Variants in PRRX1 observed in about 807,000 individuals in gnomAD.
PRRX1 encodes the protein paired mesoderm homeobox protein 1.
In PRRX1, 8 loss-of-function variants were observed where a neutral mutation model predicts 24.0. The ratio of observed to expected loss-of-function variants is 0.33; its 90% CI spans 0.20 to 0.60. The LOEUF (loss-of-function observed/expected upper bound fraction) is 0.60. Ranked by LOEUF, PRRX1 falls within the 20% of genes least tolerant of loss-of-function variation. The pLI is 0.82. For missense variants in PRRX1, 281 were observed against 322.4 expected (o/e 0.87, Z 0.98); for synonymous variants, 160 against 131.7 (o/e 1.22, Z -1.47).
chr1:170,664,188 AG>A lies in PRRX1; in HGVS notation c.-25del. On this transcript the variant is annotated 5_prime_UTR_variant, in exon 1 of 4. Transcript: ENST00000239461. ...GTTTGGTGTTGATTCGAGCGGGAAG[AG>A]GGGGGTGGGTGGGATCGGTGGGGGA... The A allele has an allele frequency of 2.0e-6, 3 of 1,521,486 alleles. No individual in the cohort carries two copies. Among genetic ancestry groups the A allele is most frequent in the South Asian group, 1.2e-5 (1 of 85,842 alleles). 94.2% of individuals were successfully genotyped at this position (1,521,486 alleles called of 1,614,324 possible). A position where few individuals can be genotyped will look rare whatever the true frequency, so the allele number is the denominator to read the frequency against.
At chr1:170,708,006 G>T (rs1209512139) in intron 1 of PRRX1, among the ~76,000 whole-genome samples, 2 of 152,136 alleles carry the variant, frequency 1.3e-5, no homozygotes, top group African/African-American at 2.4e-5. Flanking sequence ...CCTTAACCTT[G>T]ATTATCTTCC....
At chr1:170,695,052 A>G (rs1654121353) in intron 1 of PRRX1, among the ~76,000 whole-genome samples, 1 of 152,144 alleles carries the variant, frequency 6.6e-6, no homozygotes, top group South Asian at 2.1e-4. Flanking sequence ...GCACTGGAAG[A>G]GTCTATCTCC....
chr1:170,696,034 G>T lies in PRRX1; in HGVS notation c.242-23692G>T, dbSNP rs1654155412. 3.9e-5 allele frequency among the ~76,000 whole-genome samples: 6 copies of T among 152,084 alleles called. No homozygotes were observed. In the South Asian group the frequency reaches 1.2e-3, roughly 31 times the overall value. On this transcript the variant is annotated intron_variant, in intron 1 of 3. Coordinates refer to ENST00000239461, the MANE Select transcript of PRRX1 (RefSeq NM_022716.4). ...GGCCTTTTAGTTTTCTCTATCTTTA[G>T]CAGTAGACATGTCCAAAGACCAGTA...
chr1:170,670,148 C>A (rs1653099733), intron 1 of PRRX1, among the ~76,000 whole-genome samples: 1 of 152,092 alleles, frequency 6.6e-6, no homozygotes, highest in Admixed American at 6.5e-5. Flanking sequence ...GAGTGTACAC[C>A]GTTGTAATCT....
intron 2 of PRRX1, among the ~76,000 whole-genome samples, chr1:170,723,614 G>C (rs977321603): frequency 2.0e-5 from 3 of 152,180 alleles, no homozygotes; most frequent in African/African-American, 7.2e-5. Flanking sequence ...CAGAAACTCA[G>C]CCATTTATTA....
rs186566516 is a variant in PRRX1 at position 170,696,154 on chromosome 1, C to A, written c.242-23572C>A. Among the ~76,000 whole-genome samples, 3 of 152,200 alleles carry A rather than the reference C, an allele frequency of 2.0e-5. No homozygotes were observed. In the East Asian group the frequency reaches 5.8e-4, roughly 29 times the overall value. On this transcript the variant is annotated intron_variant, in intron 1 of 3. Transcript: ENST00000239461. Reference sequence around the variant, plus strand: ...TAGGCAGGAGCAAAGGAGAGAGTGACACATGAAAAGTATCCGGGCCATATG... The same window carrying A: ...TAGGCAGGAGCAAAGGAGAGAGTGAAACATGAAAAGTATCCGGGCCATATG...
chr1:170,673,434 G>T (rs936259433), intron 1 of PRRX1, among the ~76,000 whole-genome samples: 10 of 152,228 alleles, frequency 6.6e-5, no homozygotes, highest in Admixed American at 3.9e-4. Context: ...ATCCTTGGTG[G>T]AACACCTTTC....
At chr1:170,733,404 G>A (rs535042135) in intron 3 of PRRX1, among the ~76,000 whole-genome samples, 24 of 152,236 alleles carry the variant, frequency 1.6e-4, no homozygotes, top group African/African-American at 3.1e-4. Flanking sequence ...ATAAGACTTT[G>A]CTTGTCCAGA....
At chr1:170,699,589 G>T (rs1053139868) in intron 1 of PRRX1, among the ~76,000 whole-genome samples, 2 of 152,092 alleles carry the variant, frequency 1.3e-5, no homozygotes, top group Admixed American at 6.6e-5. Context: ...AGTAAAAGGG[G>T]CCAGAGGATG....
chr1:170,674,444 A>G (rs554214339), intron 1 of PRRX1, among the ~76,000 whole-genome samples: 1 of 152,264 alleles, frequency 6.6e-6, no homozygotes, highest in South Asian at 2.1e-4. Context: ...TTCTGCTCCC[A>G]TCACACCTCC....
intron 1 of PRRX1, among the ~76,000 whole-genome samples, chr1:170,703,676 T>C (rs1654469382): frequency 6.6e-6 from 1 of 151,194 alleles, no homozygotes; most frequent in Non-Finnish European, 1.5e-5. Context: ...GTATTTTACA[T>C]TTTATTTCAG....
At chr1:170,687,602 G>A (rs1178646227) in intron 1 of PRRX1, among the ~76,000 whole-genome samples, 3 of 152,116 alleles carry the variant, frequency 2.0e-5, no homozygotes, top group African/African-American at 7.2e-5. Context: ...ATCCTTTATA[G>A]GGTTTTTGTA....
rs1655620385 is a variant in PRRX1 at position 170,736,698 on chromosome 1, C to A, written c.*512C>A. 2 of 195,030 alleles carry A rather than the reference C, an allele frequency of 1.0e-5. No individual in the cohort carries two copies. The highest frequency in any genetic ancestry group is 4.7e-5 in the African/African-American group (2 of 42,958). 12.1% of individuals were successfully genotyped at this position (195,030 alleles called of 1,614,324 possible). ...AAAAGCCAAAGTCTTTCTGAAGAAT[C>A]TGTGCTGGACAGACATAATTCCCTT... On this transcript the variant is annotated 3_prime_UTR_variant, in exon 4 of 4. Transcript: ENST00000239461.
At chr1:170,701,411 G>C (rs1654355533) in intron 1 of PRRX1, among the ~76,000 whole-genome samples, 1 of 152,112 alleles carries the variant, frequency 6.6e-6, no homozygotes, top group Non-Finnish European at 1.5e-5. Flanking sequence ...TCTGAATTGT[G>C]ATTTGTCATT....
At chr1:170,720,246 C>T (rs931921828) in intron 2 of PRRX1, among the ~76,000 whole-genome samples, 1 of 151,972 alleles carries the variant, frequency 6.6e-6, no homozygotes, top group Non-Finnish European at 1.5e-5. Flanking sequence ...CCAGTGCACC[C>T]CAGCCTGGGT....
At chr1:170,686,312 C>T (rs1571322066) in intron 1 of PRRX1, among the ~76,000 whole-genome samples, 1 of 152,090 alleles carries the variant, frequency 6.6e-6, no homozygotes, top group South Asian at 2.1e-4. Flanking sequence ...CAAGAGCAAG[C>T]AGCTCTGTGC....
rs1655711715 is a variant in PRRX1 at position 170,739,022 on chromosome 1, AAATACAAGTTTGGTATG to A, written c.*2837_*2853del. The A allele has an allele frequency of 4.5e-6, 1 of 221,236 alleles. No homozygotes were observed. Among genetic ancestry groups the A allele is most frequent in the African/African-American group, 2.2e-5 (1 of 44,718 alleles). 13.7% of individuals were successfully genotyped at this position (221,236 alleles called of 1,614,324 possible). Reference sequence around the variant, plus strand: ...TTGTTCATTTATTATCAAATTTTTAAAATACAAGTTTGGTATGTGATTTGGAAAAGATGCCTTCTGGA... The same window carrying A: ...TTGTTCATTTATTATCAAATTTTTAATGATTTGGAAAAGATGCCTTCTGGA... On this transcript the variant is annotated 3_prime_UTR_variant, in exon 4 of 4. Coordinates refer to ENST00000239461, the MANE Select transcript of PRRX1 (RefSeq NM_022716.4).
intron 1 of PRRX1, among the ~76,000 whole-genome samples, chr1:170,704,315 A>G (rs559141262): frequency 1.3e-5 from 2 of 152,316 alleles, no homozygotes; most frequent in South Asian, 4.1e-4. Context: ...TTGCTCTCTC[A>G]TGGAATTCTG....
At chr1:170,668,738 A>G (rs960996018) in intron 1 of PRRX1, 3 of 152,214 alleles carry the variant, frequency 2.0e-5, no homozygotes, top group African/African-American at 7.2e-5. Flanking sequence ...ATCAGCTTCT[A>G]GAGTCTCAGC....
Sources: gnomAD v4.1 joint callset for allele counts (sites outside exome capture counted in the v4.1 genomes callset) on GRCh38, gnomAD v4.1.1 for gene constraint, MANE v1.5 for transcripts, NCBI Gene and HGNC (gene_info 2026-07-23, HGNC 2026-07-21) for gene names.